The following HAUS6 variants were observed in gnomAD, a reference collection of about 807,000 sequenced individuals.
HAUS6 encodes HAUS augmin like complex subunit 6.
A neutral mutation model predicts 106.8 loss-of-function variants in HAUS6; 80 were observed. The observed-to-expected ratio is 0.75, with a 90% CI of 0.63 to 0.90. The LOEUF (loss-of-function observed/expected upper bound fraction) is 0.90, where lower values mean the gene tolerates loss of function less well. Ranked by LOEUF, HAUS6 falls within the 40% of genes least tolerant of loss-of-function variation. The pLI, the probability that HAUS6 is intolerant of heterozygous loss-of-function variation, is 0.00. For missense variants in HAUS6, 1,155 were observed against 1,118.1 expected, an observed-to-expected ratio of 1.03 and a Z score of -0.47; for synonymous variants, 356 against 379.1, an observed-to-expected ratio of 0.94 and a Z score of 0.71.
intron 8 of HAUS6, among the ~76,000 whole-genome samples, chr9:19,081,373 T>A (rs139596137): frequency 6.6e-6 from 1 of 152,196 alleles, no homozygotes; most frequent in Admixed American, 6.6e-5. Flanking sequence ...TACTTAAATA[T>A]GTTTCTTTGG....
At chr9:19,059,678 G>A (rs999923716) in intron 15 of HAUS6, among the ~76,000 whole-genome samples, 3 of 152,212 alleles carry the variant, frequency 2.0e-5, no homozygotes, top group African/African-American at 7.2e-5. Flanking sequence ...ACTCATTTGG[G>A]AGGGGTAAAG....
intron 4 of HAUS6, among the ~76,000 whole-genome samples, chr9:19,091,227 G>C (rs1382209117): frequency 6.6e-6 from 1 of 151,958 alleles, no homozygotes; most frequent in Admixed American, 6.6e-5. Context: ...TTGAACCCGG[G>C]AAGTGGATGT....
chr9:19,087,252 G>C (rs546099003), intron 5 of HAUS6, 96 bp from the exon 6 acceptor site: 33 of 752,214 alleles, frequency 4.4e-5, no homozygotes, highest in Admixed American at 4.0e-4. Flanking sequence ...CTTGTTTAAG[G>C]CCTCTGGGTA....
At chr9:19,059,638 G>A (rs1182716271) in intron 15 of HAUS6, among the ~76,000 whole-genome samples, 4 of 152,142 alleles carry the variant, frequency 2.6e-5, no homozygotes, top group Non-Finnish European at 5.9e-5. Context: ...CAAATTACAG[G>A]TTATAGGAAA....
chr9:19,065,446 T>C (rs1352462901), intron 12 of HAUS6, among the ~76,000 whole-genome samples: 2 of 152,206 alleles, frequency 1.3e-5, no homozygotes, highest in East Asian at 3.8e-4. Flanking sequence ...TACAAATAAA[T>C]GTAGTGTTAC....
At position 19,056,113 on chromosome 9, in the gene HAUS6, G is replaced by T; in HGVS notation, c.*230C>A. 2.5e-6 allele frequency: 1 copy of T among 405,234 alleles called. No individual in the cohort carries two copies. Among genetic ancestry groups the T allele is most frequent in the Non-Finnish European group, 4.4e-6 (1 of 228,302 alleles). 25.1% of individuals were successfully genotyped at this position (405,234 alleles called of 1,614,324 possible). On this transcript the variant is annotated 3_prime_UTR_variant, in exon 17 of 17. Transcript: ENST00000380502. ...AATGGCTTCCCATTGCTTGACGTTT[G>T]TTGTCCAAATACTTCACATTTCAAT...
At chr9:19,065,982 C>G (rs1208322240) in intron 12 of HAUS6, among the ~76,000 whole-genome samples, 1 of 148,458 alleles carries the variant, frequency 6.7e-6, no homozygotes, top group Non-Finnish European at 1.5e-5. Flanking sequence ...GTCGCCCACA[C>G]TGGAGTGCAG....
intron 10 of HAUS6, 23 bp downstream of exon 10, chr9:19,078,153 A>C: frequency 1.3e-5 from 18 of 1,395,200 alleles, no homozygotes; most frequent in South Asian, 2.4e-5. Context: ...CGGGGAGGGC[A>C]GGGGCAAGTC....
At position 19,058,007 on chromosome 9, in the gene HAUS6, C is replaced by T. The variant is rs777389231; in HGVS notation, c.2760G>A (p.Leu920=). The change falls in exon 16 of 17, where the codon TTG becomes TTA. Residue 920 remains leucine (L), a synonymous_variant. Coordinates refer to ENST00000380502, the MANE Select transcript of HAUS6 (RefSeq NM_017645.5). ...LIKFSPVEQR[L]RTTIACSLGE... ...CAAGACTACATGCTATTGTGGTTCT[C>T]AATCTTTGTTCCACTGGAGAAAACT... 3.7e-6 allele frequency: 6 copies of T among 1,612,016 alleles called. No homozygotes were observed. In the East Asian group the frequency reaches 1.3e-4, roughly 36 times the overall value.
At chr9:19,085,272 G>C (rs947583396) in intron 7 of HAUS6, among the ~76,000 whole-genome samples, 10 of 152,044 alleles carry the variant, frequency 6.6e-5, no homozygotes, top group Non-Finnish European at 1.5e-4. Flanking sequence ...TGTACTCAGG[G>C]AAAACAAATA....
intron 9 of HAUS6, 86 bp from the exon 10 acceptor site, chr9:19,078,388 G>A (rs1400212671): frequency 4.0e-6 from 3 of 742,302 alleles, no homozygotes; most frequent in South Asian, 1.8e-5. Context: ...TAGTTGTAGA[G>A]AAGTGGAAGG....
chr9:19,089,503 A>T lies in HAUS6; in HGVS notation c.493T>A (p.Cys165Ser). The change falls in exon 5 of 17, where the codon TGC (cysteine) becomes AGC (serine). Residue 165 changes from cysteine to serine, a missense_variant. Coordinates refer to ENST00000380502, the MANE Select transcript of HAUS6 (RefSeq NM_017645.5). ...FNIKPQDLHK[C>S]IARCHFARSR... ...CGTGCGAAATGGCATCTGGCAATGC[A>T]TTTGTGCAAGTCCTGTGGTTTTATG... 6.2e-7 allele frequency: 1 copy of T among 1,610,992 alleles called. No individual in the cohort carries two copies. The highest frequency in any genetic ancestry group is 8.5e-7 in the Non-Finnish European group (1 of 1,177,186).
At chr9:19,068,008 G>T (rs1164960685) in intron 12 of HAUS6, among the ~76,000 whole-genome samples, 1 of 151,368 alleles carries the variant, frequency 6.6e-6, no homozygotes, top group Admixed American at 6.6e-5. Context: ...AAAAAAAAAA[G>T]TTATCTTGAG....
chr9:19,059,859 A>G (rs1343054677), intron 15 of HAUS6, among the ~76,000 whole-genome samples: 1 of 152,196 alleles, frequency 6.6e-6, no homozygotes, highest in Non-Finnish European at 1.5e-5. Context: ...AACAACAAAG[A>G]CAAAATTGTA....
At chr9:19,063,696 T>C in intron 12 of HAUS6, 116 bp from the exon 13 acceptor site, 1 of 807,962 alleles carries the variant, frequency 1.2e-6, no homozygotes, top group Non-Finnish European at 2.2e-6. Flanking sequence ...TTTCACTCAA[T>C]TCGTCCCGGT....
chr9:19,099,014 T>C (rs777507269), intron 1 of HAUS6, among the ~76,000 whole-genome samples: 2 of 57,892 alleles, frequency 3.5e-5, no homozygotes, highest in African/African-American at 1.6e-4. Flanking sequence ...CAAAACTCCA[T>C]CTCAAAAAAA....
At chr9:19,093,331 G>T in intron 3 of HAUS6, 28 bp from the exon 4 acceptor site, 1 of 1,572,132 alleles carries the variant, frequency 6.4e-7, no homozygotes, top group Non-Finnish European at 8.7e-7. Context: ...AAGATGATTT[G>T]AAGACCTTGT....
chr9:19,102,534 G>A lies in HAUS6; in HGVS notation c.118C>T (p.His40Tyr). The A allele has an allele frequency of 6.2e-7, 1 of 1,613,694 alleles. No individual in the cohort carries two copies. Among genetic ancestry groups the A allele is most frequent in the Non-Finnish European group, 8.5e-7 (1 of 1,179,822 alleles). Residue 40 changes from histidine to tyrosine, a missense_variant, in exon 1 of 17, where the codon CAC becomes TAC. By Grantham distance (83) the His-to-Tyr change is moderately conservative (BLOSUM62 2). Around this residue, in one of 3 missense-constraint regions of HAUS6, gnomAD observed 761 missense variants for 690.0 expected, o/e 1.10. Transcript: ENST00000380502. The stretch of plus-strand genomic sequence containing the variant: ...CCCCGGCCTCCTTACACTCCGAGGT[G>A]CGTGTGCGACACGATCTTTCCGCAG... ...IACGKIVSHT[H>Y]LGVNMFDKLN...
chr9:19,083,128 C>T (rs181777559), intron 7 of HAUS6, 85 bp from the exon 8 acceptor site: 1 of 648,624 alleles, frequency 1.5e-6, no homozygotes, highest in Non-Finnish European at 2.4e-6. Context: ...CTCTTAGTAA[C>T]AAATTTCCTA....
Sources: gnomAD v4.1 joint callset for allele counts (sites outside exome capture counted in the v4.1 genomes callset) on GRCh38, gnomAD v4.1.1 for gene constraint, gnomAD v4.1.1 regional missense constraint, MANE v1.5 for transcripts, NCBI Gene and HGNC (gene_info 2026-07-23, HGNC 2026-07-21) for gene names.